Variants in SNED1 observed in about 807,000 individuals in gnomAD.
SNED1 encodes the protein sushi, nidogen and EGF-like domain-containing protein 1.
Under a neutral mutation model 166.7 loss-of-function variants are expected in SNED1, and 81 were observed. The ratio of observed to expected loss-of-function variants is 0.49; its 90% CI spans 0.41 to 0.58. The LOEUF (loss-of-function observed/expected upper bound fraction) is 0.58, where lower values mean the gene tolerates loss of function less well. Ranked by LOEUF, SNED1 falls within the 20% of genes least tolerant of loss-of-function variation. The pLI is 0.00. For synonymous variants in SNED1, 762 were observed against 822.0 expected, an observed-to-expected ratio of 0.93 and a Z score of 1.25; for missense variants, 1,604 against 2,000.2, an observed-to-expected ratio of 0.80 and a Z score of 3.78.
intron 29 of SNED1, 140 bp from the exon 30 acceptor site, chr2:241,087,249 TAGG>T (rs2063632315): frequency 1.5e-6 from 1 of 645,976 alleles, no homozygotes; most frequent in Admixed American, 3.1e-5. Context: ...AATACATCAA[TAGG>T]AGGTCACGTT....
intron 3 of SNED1, 76 bp downstream of exon 3, chr2:241,033,951 T>G: frequency 1.3e-6 from 2 of 1,491,004 alleles, no homozygotes; most frequent in Non-Finnish European, 1.8e-6. Context: ...GCTGATGAGG[T>G]AGGCAGGGGC....
intron 1 of SNED1, among the ~76,000 whole-genome samples, chr2:241,024,122 A>G (rs1423683151): frequency 1.3e-5 from 2 of 149,902 alleles, no homozygotes; most frequent in African/African-American, 4.9e-5. Context: ...CCTGACCTCA[A>G]GTGCCTGCCT....
chr2:241,088,012 G>C (rs570000074), intron 30 of SNED1: 6 of 393,452 alleles, frequency 1.5e-5, no homozygotes, highest in African/African-American at 1.2e-4. Flanking sequence ...AAGTGTCCGG[G>C]CAAGGCCGCA....
chr2:241,081,644 C>CA, intron 27 of SNED1, 33 bp from the exon 28 acceptor site: 1 of 1,499,632 alleles, frequency 6.7e-7, no homozygotes, highest in Non-Finnish European at 9.1e-7. Context: ...CCTGGGGTTC[C>CA]AGTGACTAAC....
intron 28 of SNED1, 113 bp downstream of exon 28, chr2:241,081,906 A>G (rs1454210478): frequency 5.0e-6 from 4 of 792,658 alleles, no homozygotes; most frequent in Non-Finnish European, 8.4e-6. Context: ...ATGAGGTGCC[A>G]GACAGGGAGT....
intron 15 of SNED1, 69 bp downstream of exon 15, chr2:241,052,537 C>G (rs551963681): frequency 0.011 from 12,461 of 1,097,596 alleles, 463 homozygotes; most frequent in African/African-American, 0.068. Flanking sequence ...ATGGCCAGGG[C>G]CCAAGCAGGG....
At chr2:241,076,879 C>A (rs950473953) in intron 27 of SNED1, among the ~76,000 whole-genome samples, 2 of 152,132 alleles carry the variant, frequency 1.3e-5, no homozygotes, top group Non-Finnish European at 2.9e-5. Flanking sequence ...ATCACCAGGT[C>A]AGGAGATCGA....
chr2:241,079,975 G>T (rs2063251715), intron 27 of SNED1, among the ~76,000 whole-genome samples: 1 of 152,128 alleles, frequency 6.6e-6, no homozygotes, highest in Non-Finnish European at 1.5e-5. Flanking sequence ...AATATAAAAT[G>T]AAAGAAGTTA....
At position 241,051,771 on chromosome 2, in the gene SNED1, C is replaced by T. The variant is rs1186028739; in HGVS notation, c.1763C>T (p.Pro588Leu). 1 of 1,544,502 alleles carries T rather than the reference C, an allele frequency of 6.5e-7. No homozygotes were observed. The highest frequency in any genetic ancestry group is 8.7e-7 in the Non-Finnish European group (1 of 1,144,390). The change falls in exon 13 of 32, where the codon CCC (proline) becomes CTC (leucine). Residue 588 changes from proline (P) to leucine (L), a missense_variant. Around this residue, in one of 2 missense-constraint regions of SNED1, gnomAD observed 1,237 missense variants for 1,620.8 expected, o/e 0.76. Coordinates refer to ENST00000310397, the MANE Select transcript of SNED1 (RefSeq NM_001080437.3). The surrounding 1 kb of genome is among the most constrained non-coding windows in gnomAD (Gnocchi z 4.7). ...KARPHLCSSG[P>L]CRNGGTCKEA... ...CGGCCACACCTGTGCAGCTCAGGGC[C>T]CTGCCGGAACGGGGGCACGTGCAAG...
chr2:241,019,322 G>A lies in SNED1; in HGVS notation c.214-10962G>A, dbSNP rs565895165. On this transcript the variant is annotated intron_variant, in intron 1 of 31. Transcript: ENST00000310397. ...GGGATCCTGGAATATCCATCAATAC[G>A]TGATTAGTGACCCATGGCTGAGTGA... 4.6e-5 allele frequency among the ~76,000 whole-genome samples: 7 copies of A among 152,328 alleles called. No individual in the cohort carries two copies. In the South Asian group the frequency reaches 1.2e-3, roughly 27 times the overall value.
At chr2:241,034,546 T>C (rs2061286737) in intron 3 of SNED1, 22 bp from the exon 4 acceptor site, 1 of 1,567,322 alleles carries the variant, frequency 6.4e-7, no homozygotes, top group African/African-American at 1.4e-5. Flanking sequence ...CCTCCCTCAC[T>C]CTGCCCCCAC....
intron 16 of SNED1, among the ~76,000 whole-genome samples, chr2:241,057,234 C>T (rs1327277715): frequency 1.3e-5 from 2 of 151,684 alleles, no homozygotes; most frequent in Non-Finnish European, 2.9e-5. Flanking sequence ...CAAAAATTAG[C>T]TGGGCATGGT....
intron 24 of SNED1, 46 bp from the exon 25 acceptor site, chr2:241,071,530 C>A: frequency 1.3e-6 from 2 of 1,554,538 alleles, no homozygotes; most frequent in Non-Finnish European, 1.7e-6. Context: ...GGGACAGGAG[C>A]AGAGGGCAGC....
chr2:241,068,589 G>A lies in SNED1; in HGVS notation c.3195-322G>A, dbSNP rs2062565704. Among the ~76,000 whole-genome samples, 1 of 151,958 alleles carries A rather than the reference G, an allele frequency of 6.6e-6. No homozygotes were observed. The highest frequency in any genetic ancestry group is 1.5e-5 in the Non-Finnish European group (1 of 67,972). On this transcript the variant is annotated intron_variant, in intron 22 of 31. Transcript: ENST00000310397. The surrounding 1 kb of genome is among the most constrained non-coding windows in gnomAD (Gnocchi z 5.3). ...TTTACATCAACTCACCTGTGCTGAG[G>A]GCCCGTCCCCCATCCCTGCACAGTG...
At chr2:241,065,154 C>A (rs2286320) in intron 20 of SNED1, 145 bp from the exon 21 acceptor site, 2 of 883,844 alleles carry the variant, frequency 2.3e-6, no homozygotes, top group Admixed American at 2.6e-5. Context: ...CCTGGAGGTA[C>A]GTGGCCAGGG....
In SNED1 at chr2:241,053,244, C is replaced by A. The variant is rs1158030427; in HGVS notation, c.2175C>A (p.Asp725Glu). Residue 725 changes from aspartate (D) to glutamate (E), a missense_variant, in exon 16 of 32, where the codon GAC becomes GAA. By Grantham distance (45) the Asp-to-Glu change is conservative. Coordinates refer to ENST00000310397, the MANE Select transcript of SNED1 (RefSeq NM_001080437.3). ...RLGAVALYAC[D>E]RGYSLSAPSR... is the part of the protein sequence containing the mutation. ...GCGCGGTGGCCCTGTATGCATGTGA[C>A]CGTGGCTACAGCCTGAGCGCCCCCA... 6.2e-7 allele frequency: 1 copy of A among 1,608,258 alleles called. No individual in the cohort carries two copies. Among genetic ancestry groups the A allele is most frequent in the Non-Finnish European group, 8.5e-7 (1 of 1,178,552 alleles).
At chr2:241,040,892 C>A in intron 8 of SNED1, 1 of 464,730 alleles carries the variant, frequency 2.2e-6, no homozygotes, top group South Asian at 1.6e-5. Context: ...CTAGTTGTGA[C>A]TTGTTAGAGG....
At chr2:241,017,455 GC>G (rs530403758) in intron 1 of SNED1, among the ~76,000 whole-genome samples, 113 of 152,318 alleles carry the variant, frequency 7.4e-4, no homozygotes, top group Middle Eastern at 3.4e-3. Flanking sequence ...CCTGCTTTTT[GC>G]CCCCAAGGCG....
At chr2:241,050,800 G>A (rs939034372) in intron 12 of SNED1, among the ~76,000 whole-genome samples, 1 of 151,892 alleles carries the variant, frequency 6.6e-6, no homozygotes, top group African/African-American at 2.4e-5. Flanking sequence ...GCTCACACCT[G>A]CCAGTGGTAT....
Sources: allele counts gnomAD v4.1 joint callset (sites outside exome capture counted in the v4.1 genomes callset), GRCh38; gene constraint gnomAD v4.1.1; regional missense constraint gnomAD v4.1.1; non-coding constraint Gnocchi (gnomAD v3.1); transcripts MANE v1.5; gene names NCBI Gene and HGNC (gene_info 2026-07-23, HGNC 2026-07-21).